SCFD2: variants seen among roughly 807,000 people sequenced by gnomAD.
SCFD2 encodes the protein sec1 family domain containing 2, also known as sec1 family domain-containing protein 2.
In SCFD2, 54 loss-of-function variants were observed where a neutral mutation model predicts 58.9. That is an observed-to-expected ratio of 0.92 (90% CI 0.74 to 1.15). The LOEUF (loss-of-function observed/expected upper bound fraction) is 1.15, where lower values mean the gene tolerates loss of function less well. Among genes scored for constraint, SCFD2 ranks in the 50% most tolerant of loss-of-function variants. The probability of loss-of-function intolerance (pLI) is 0.00; values close to 1 mark genes in which losing one functional copy is unlikely to be tolerated. For synonymous variants in SCFD2, 321 were observed against 335.9 expected, an observed-to-expected ratio of 0.96 and a Z score of 0.49; for missense variants, 805 against 836.6, an observed-to-expected ratio of 0.96 and a Z score of 0.47.
chr4:53,199,137 C>G (rs1458948005), intron 4 of SCFD2, among the ~76,000 whole-genome samples: 1 of 152,076 alleles, frequency 6.6e-6, no homozygotes, highest in East Asian at 1.9e-4. Flanking sequence ...GCCAATATAA[C>G]CACTCAGTCC....
At position 53,020,187 on chromosome 4, in the gene SCFD2, C is replaced by T. The variant is rs189855432; in HGVS notation, c.1562-99317G>A. On this transcript the variant is annotated intron_variant, in intron 5 of 8. Transcript: ENST00000401642. Reference sequence around the variant, plus strand: ...CATGTCATTTCATGACTTTTCTTCTCTGTAAAGCCTTTAATGTGTCTGTAA... The same window carrying T: ...CATGTCATTTCATGACTTTTCTTCTTTGTAAAGCCTTTAATGTGTCTGTAA... 7.9e-5 allele frequency among the ~76,000 whole-genome samples: 12 copies of T among 152,314 alleles called. No individual in the cohort carries two copies. The East Asian group carries it at 2.3e-3, about 29-fold the overall frequency.
intron 4 of SCFD2, among the ~76,000 whole-genome samples, chr4:53,237,409 G>A (rs1280300871): frequency 1.4e-5 from 2 of 147,804 alleles, no homozygotes; most frequent in African/African-American, 2.6e-5. Flanking sequence ...CTTCCCAGTA[G>A]GGGGCGGCCG....
chr4:53,202,298 CTTGT>C (rs1243603563), intron 4 of SCFD2, among the ~76,000 whole-genome samples: 2 of 152,176 alleles, frequency 1.3e-5, no homozygotes, highest in African/African-American at 4.8e-5. Context: ...TTCCCCATTG[CTTGT>C]TTTTCTCAGG....
chr4:53,301,540 C>A (rs1732295441), intron 3 of SCFD2, among the ~76,000 whole-genome samples: 1 of 152,148 alleles, frequency 6.6e-6, no homozygotes. Context: ...GAACTGGTAC[C>A]ATTCCTTCTG....
intron 4 of SCFD2, among the ~76,000 whole-genome samples, chr4:53,150,869 A>G (rs1726485421): frequency 6.6e-6 from 1 of 152,258 alleles, no homozygotes; most frequent in Admixed American, 6.5e-5. Context: ...CTCAAATATA[A>G]GATGATGCCC....
chr4:52,980,574 G>A (rs1267167955), intron 5 of SCFD2, among the ~76,000 whole-genome samples: 6 of 152,132 alleles, frequency 3.9e-5, no homozygotes, highest in African/African-American at 1.4e-4. Flanking sequence ...GAGAGAATAC[G>A]AGACATACAA....
intron 7 of SCFD2, among the ~76,000 whole-genome samples, chr4:52,901,449 G>T (rs1397368065): frequency 1.3e-5 from 2 of 152,146 alleles, no homozygotes; most frequent in Non-Finnish European, 2.9e-5. Flanking sequence ...TCTGAATCCT[G>T]GCTGTCTCCT....
chr4:53,230,474 G>A (rs1729399122), intron 4 of SCFD2, among the ~76,000 whole-genome samples: 1 of 152,140 alleles, frequency 6.6e-6, no homozygotes. Context: ...TCTTTGTAGG[G>A]ACATGGATGA....
intron 5 of SCFD2, among the ~76,000 whole-genome samples, chr4:53,129,055 T>TA (rs1179273435): frequency 6.6e-6 from 1 of 152,222 alleles, no homozygotes; most frequent in African/African-American, 2.4e-5. Flanking sequence ...AATTTGGCTT[T>TA]AAAAAAGCTT....
chr4:52,897,511 T>G (rs1456135885), intron 7 of SCFD2, among the ~76,000 whole-genome samples: 1 of 152,244 alleles, frequency 6.6e-6, no homozygotes, highest in African/African-American at 2.4e-5. Context: ...TGAAGCCCAG[T>G]TGATCATGGT....
intron 6 of SCFD2, 115 bp downstream of exon 6, chr4:52,920,607 GATC>G (rs1267694591): frequency 2.3e-5 from 14 of 599,358 alleles, no homozygotes; most frequent in Non-Finnish European, 3.5e-5. Flanking sequence ...AGAACTTGGA[GATC>G]ATCTAGAACA....
intron 5 of SCFD2, among the ~76,000 whole-genome samples, chr4:53,083,360 A>C (rs1244651411): frequency 6.6e-6 from 1 of 152,094 alleles, no homozygotes; most frequent in East Asian, 1.9e-4. Flanking sequence ...TAAAAATTGG[A>C]GGAAAAACAT....
intron 4 of SCFD2, among the ~76,000 whole-genome samples, chr4:53,165,070 C>T (rs934007507): frequency 1.3e-5 from 2 of 152,204 alleles, no homozygotes; most frequent in Non-Finnish European, 2.9e-5. Flanking sequence ...CCCTAACTCA[C>T]TCTCCTTGTT....
intron 4 of SCFD2, among the ~76,000 whole-genome samples, chr4:53,254,751 C>G (rs931921587): frequency 6.6e-5 from 10 of 151,734 alleles, no homozygotes; most frequent in African/African-American, 2.4e-4. Flanking sequence ...CTACTGAGCA[C>G]TGAAATTGTG....
At chr4:53,340,103 T>G (rs891060385) in intron 2 of SCFD2, among the ~76,000 whole-genome samples, 4 of 152,180 alleles carry the variant, frequency 2.6e-5, no homozygotes, top group African/African-American at 9.6e-5. Flanking sequence ...CACTGGGGAT[T>G]GTCAGACAGT....
At chr4:53,260,826 T>C (rs1730807911) in intron 4 of SCFD2, among the ~76,000 whole-genome samples, 1 of 152,196 alleles carries the variant, frequency 6.6e-6, no homozygotes, top group Non-Finnish European at 1.5e-5. Context: ...GAATGTCTGA[T>C]AAAATTCAGC....
intron 7 of SCFD2, among the ~76,000 whole-genome samples, chr4:52,886,339 T>G (rs1718740988): frequency 1.3e-5 from 2 of 152,208 alleles, no homozygotes; most frequent in Admixed American, 1.3e-4. Flanking sequence ...GGACCACCCT[T>G]GCATCCCCTC....
chr4:52,985,310 CCT>C (rs1721463864), intron 5 of SCFD2, among the ~76,000 whole-genome samples: 1 of 152,102 alleles, frequency 6.6e-6, no homozygotes, highest in Non-Finnish European at 1.5e-5. Flanking sequence ...AGTTTTAGGA[CCT>C]TTCTGCTGCA....
intron 7 of SCFD2, among the ~76,000 whole-genome samples, chr4:52,903,698 G>A (rs913793756): frequency 2.0e-5 from 3 of 152,158 alleles, no homozygotes; most frequent in African/African-American, 2.4e-5. Flanking sequence ...TAAATCATGC[G>A]TGTGTATCTA....
Sources: allele counts gnomAD v4.1 joint callset (sites outside exome capture counted in the v4.1 genomes callset), GRCh38; gene constraint gnomAD v4.1.1; transcripts MANE v1.5; gene names NCBI Gene and HGNC (gene_info 2026-07-23, HGNC 2026-07-21).